The following DPP4 variants were observed in gnomAD, a reference collection of about 807,000 sequenced individuals.
DPP4 encodes ADCP-2.
In DPP4, 93 loss-of-function variants were observed where a neutral mutation model predicts 122.4. The ratio of observed to expected loss-of-function variants is 0.76; its 90% CI spans 0.64 to 0.90. The LOEUF is 0.90. Ranked by LOEUF, DPP4 falls within the 40% of genes least tolerant of loss-of-function variation. DPP4 has a pLI of 0.00. For missense variants in DPP4, 914 were observed against 907.3 expected, an observed-to-expected ratio of 1.01 and a Z score of -0.09; for synonymous variants, 321 against 302.9, an observed-to-expected ratio of 1.06 and a Z score of -0.62.
At chr2:162,069,966 A>G (rs1034274655) in intron 2 of DPP4, among the ~76,000 whole-genome samples, 3 of 152,254 alleles carry the variant, frequency 2.0e-5, no homozygotes, top group Non-Finnish European at 2.9e-5. Flanking sequence ...TAATAAAACT[A>G]TTTGACAAAT....
chr2:162,066,649 T>A (rs541989339), intron 2 of DPP4, among the ~76,000 whole-genome samples: 1 of 152,340 alleles, frequency 6.6e-6, no homozygotes, highest in African/African-American at 2.4e-5. Context: ...TAAAGGAATA[T>A]CTGAGGCTAG....
rs897447276 is a variant in DPP4 at position 162,064,604 on chromosome 2, C to T, written c.94+8795G>A. ...TGTTGACTATTTCTACCACTTTCTG[C>T]TATTATGAACTGGATGAAATGTGAC... is the stretch of plus-strand genomic sequence containing the variant. On this transcript the variant is annotated intron_variant, in intron 2 of 25. Coordinates refer to ENST00000360534, the MANE Select transcript of DPP4 (RefSeq NM_001935.4). Among the ~76,000 whole-genome samples, 7 of 152,232 alleles carry T rather than the reference C, an allele frequency of 4.6e-5. No individual in the cohort carries two copies. The East Asian group carries it at 1.2e-3, about 25-fold the overall frequency.
chr2:162,008,415 T>C (rs996235934), intron 22 of DPP4, 147 bp downstream of exon 22: 7 of 630,294 alleles, frequency 1.1e-5, no homozygotes, highest in African/African-American at 9.2e-5. Context: ...TGAGATCATC[T>C]TATTATAGGT....
chr2:161,997,676 G>A (rs796727186), intron 23 of DPP4, among the ~76,000 whole-genome samples: 4 of 152,222 alleles, frequency 2.6e-5, no homozygotes, highest in African/African-American at 9.6e-5. Context: ...ACATTCAATT[G>A]AGCATTTACT....
At position 162,039,135 on chromosome 2, in the gene DPP4, T is replaced by C. The variant is rs1683897506; in HGVS notation, c.416A>G (p.Lys139Arg). 1 of 1,613,084 alleles carries C rather than the reference T, an allele frequency of 6.2e-7. No homozygotes were observed. The highest frequency in any genetic ancestry group is 2.2e-5 in the East Asian group (1 of 44,838). Residue 139 changes from lysine (K) to arginine (R), a missense_variant, in exon 6 of 26, where the codon AAA becomes AGA. By Grantham distance (26) the Lys-to-Arg change is conservative. Coordinates refer to ENST00000360534, the MANE Select transcript of DPP4 (RefSeq NM_001935.4). Reference protein sequence around the residue: ...TASYDIYDLNKRQLITEERIP... With the variant: ...TASYDIYDLNRRQLITEERIP... ...ATTTTATTGGGAAGTCACTGACCTT[T>C]TATTTAAATCATAAATGTCATATGA...
intron 23 of DPP4, among the ~76,000 whole-genome samples, chr2:161,999,027 G>C (rs1034398613): frequency 6.6e-6 from 1 of 152,166 alleles, no homozygotes; most frequent in South Asian, 2.1e-4. Flanking sequence ...AGCCTCCAGA[G>C]GGACCTCTCT....
intron 3 of DPP4, 49 bp from the exon 4 acceptor site, chr2:162,047,055 T>C: frequency 2.0e-6 from 2 of 1,016,438 alleles, no homozygotes; most frequent in Non-Finnish European, 3.0e-6. Flanking sequence ...TTATTAAACA[T>C]CTTCATAAGC....
At chr2:162,028,933 A>T (rs1268389142) in intron 10 of DPP4, among the ~76,000 whole-genome samples, 1 of 152,234 alleles carries the variant, frequency 6.6e-6, no homozygotes, top group East Asian at 1.9e-4. Flanking sequence ...TTCCCAGTTC[A>T]TACTCGCTCC....
intron 5 of DPP4, among the ~76,000 whole-genome samples, chr2:162,043,258 C>T (rs534208125): frequency 6.6e-6 from 1 of 152,188 alleles, no homozygotes; most frequent in South Asian, 2.1e-4. Flanking sequence ...GCAGGAGAAG[C>T]GGGTAGGAGA....
chr2:162,019,226 T>TAAAG lies in DPP4; in HGVS notation c.1291_1294dup (p.Tyr432SerfsTer3). 6.3e-7 allele frequency: 1 copy of TAAAG among 1,597,274 alleles called. No homozygotes were observed. Among genetic ancestry groups the TAAAG allele is most frequent in the East Asian group, 2.2e-5 (1 of 44,684 alleles). On this transcript the variant is annotated frameshift_variant, in exon 15 of 26. Transcript: ENST00000360534. LOFTEE classifies it high-confidence loss of function. ...AACAACTTGACAGAGCTCTTACTTA[T>TAAAG]AAAGATTCCTTCCTCCTGGCATTCC...
Position 162,020,301 on chromosome 2 carries a change from T to C in DPP4, c.1177-5A>G. The C allele has an allele frequency of 1.3e-6, 2 of 1,499,300 alleles. No homozygotes were observed. The highest frequency in any genetic ancestry group is 1.8e-6 in the Non-Finnish European group (2 of 1,129,740). The allele number at this position is 1,499,300 out of a possible 1,614,324, so 92.9% of individuals were successfully genotyped here. A position where few individuals can be genotyped will look rare whatever the true frequency, so the allele number is the denominator to read the frequency against. On this transcript the variant is annotated splice_polypyrimidine_tract_variant and splice_region_variant and intron_variant, in intron 13 of 25. Transcript: ENST00000360534. ...TTTTGTAATAAATGTGCAGTCCTGA[T>C]GGTTTTTTTTTTTTTTCAAAAAAAA... is the stretch of plus-strand genomic sequence containing the variant.
chr2:162,053,994 C>T lies in DPP4; in HGVS notation c.95-6493G>A, dbSNP rs142978496. On this transcript the variant is annotated intron_variant, in intron 2 of 25. Transcript: ENST00000360534. ...GGCACAAGACTTCAACCCATGAGAG[C>T]TGCACCATGGGCCGTGCCCAGCAAA... is the stretch of plus-strand genomic sequence containing the variant. Among the ~76,000 whole-genome samples, 307 of 152,230 alleles carry T rather than the reference C, an allele frequency of 2.0e-3. 1 individual carries two copies. The highest frequency in any genetic ancestry group is 7.1e-3 in the African/African-American group (294 of 41,552).
intron 23 of DPP4, among the ~76,000 whole-genome samples, chr2:161,998,342 G>A (rs1048834076): frequency 3.0e-4 from 45 of 152,282 alleles, no homozygotes; most frequent in Non-Finnish European, 1.2e-4. Flanking sequence ...GTCCTCTTTG[G>A]TGATCCTTTC....
intron 20 of DPP4, among the ~76,000 whole-genome samples, chr2:162,011,561 C>T (rs546609082): frequency 4.8e-4 from 73 of 152,026 alleles, no homozygotes; most frequent in Non-Finnish European, 8.1e-4. Context: ...TTTCTAGAGT[C>T]TCATACAGAG....
chr2:162,005,658 T>C (rs962146985), intron 23 of DPP4, 87 bp downstream of exon 23: 5 of 1,188,244 alleles, frequency 4.2e-6, no homozygotes, highest in African/African-American at 1.6e-5. Flanking sequence ...AATAAAAATA[T>C]GTATTTTCTA....
At chr2:162,015,992 A>G (rs1682901238) in intron 18 of DPP4, among the ~76,000 whole-genome samples, 1 of 152,082 alleles carries the variant, frequency 6.6e-6, no homozygotes, top group South Asian at 2.1e-4. Flanking sequence ...ATCCCAGGAG[A>G]CTCACATGCA....
intron 15 of DPP4, 117 bp from the exon 16 acceptor site, chr2:162,018,967 CT>C (rs35605823): frequency 0.15 from 138,830 of 926,096 alleles, 3 homozygotes; most frequent in South Asian, 0.16. Flanking sequence ...ATCTTTAGGA[CT>C]TTTTTTTTTT....
At chr2:162,014,689 T>C (rs1261428581) in intron 18 of DPP4, among the ~76,000 whole-genome samples, 2 of 152,362 alleles carry the variant, frequency 1.3e-5, no homozygotes, top group East Asian at 1.9e-4. Context: ...GTTTCTAATG[T>C]ATCTATTAAA....
intron 2 of DPP4, among the ~76,000 whole-genome samples, chr2:162,071,966 T>G (rs2106164214): frequency 6.6e-6 from 1 of 152,360 alleles, no homozygotes; most frequent in African/African-American, 2.4e-5. Flanking sequence ...GATGCTGTGA[T>G]GCCTCAGTGA....
Sources: gnomAD v4.1 joint callset for allele counts (sites outside exome capture counted in the v4.1 genomes callset) on GRCh38, gnomAD v4.1.1 for gene constraint, MANE v1.5 for transcripts, NCBI Gene and HGNC (gene_info 2026-07-23, HGNC 2026-07-21) for gene names.